SGSM1: variants seen among roughly 807,000 people sequenced by gnomAD.
SGSM1 encodes RUN and TBC1 domain containing 2.
A neutral mutation model predicts 133.8 loss-of-function variants in SGSM1; 73 were observed. The observed-to-expected ratio is 0.55, with a 90% confidence interval of 0.45 to 0.66. The LOEUF (loss-of-function observed/expected upper bound fraction) is 0.66. Among genes scored for constraint, SGSM1 ranks in the 30% least tolerant of loss-of-function variants. SGSM1 has a pLI of 0.00. For synonymous variants in SGSM1, 563 were observed against 573.0 expected, an observed-to-expected ratio of 0.98 and a Z score of 0.25; for missense variants, 1,213 against 1,448.1, an observed-to-expected ratio of 0.84 and a Z score of 2.64.
At chr22:24,890,565 G>A (rs1932797900) in intron 16 of SGSM1, among the ~76,000 whole-genome samples, 1 of 151,868 alleles carries the variant, frequency 6.6e-6, no homozygotes, top group Non-Finnish European at 1.5e-5. Flanking sequence ...TTTTGAGGTG[G>A]AGTCTCGCTC....
chr22:24,877,811 T>C (rs1225195698), intron 13 of SGSM1, among the ~76,000 whole-genome samples: 1 of 135,968 alleles, frequency 7.4e-6, no homozygotes, highest in East Asian at 2.1e-4. Context: ...TCTTTTTTTT[T>C]TTTTTTTTTT....
intron 9 of SGSM1, among the ~76,000 whole-genome samples, chr22:24,860,912 A>T (rs1474866254): frequency 4.8e-3 from 464 of 97,294 alleles, no homozygotes; most frequent in South Asian, 0.01. Context: ...AAAAAAAAAA[A>T]AAAAAAAAAA....
At chr22:24,918,521 A>G (rs1054075346) in intron 23 of SGSM1, among the ~76,000 whole-genome samples, 1 of 150,722 alleles carries the variant, frequency 6.6e-6, no homozygotes, top group Admixed American at 6.6e-5. Flanking sequence ...TCTGACATGT[A>G]TGGAGTGTTT....
At chr22:24,911,747 C>G (rs191562660) in intron 21 of SGSM1, among the ~76,000 whole-genome samples, 1 of 152,150 alleles carries the variant, frequency 6.6e-6, no homozygotes, top group Admixed American at 6.6e-5. Flanking sequence ...AAATACCTGA[C>G]CAGTACGCCT....
At position 24,902,068 on chromosome 22, in the gene SGSM1, C is replaced by G. The variant is rs1249891158; in HGVS notation, c.2735+111C>G. 2.6e-6 allele frequency: 3 copies of G among 1,151,418 alleles called. No individual in the cohort carries two copies. The Admixed American group carries it at 6.6e-5, about 25-fold the overall frequency. The allele number at this position is 1,151,418 out of a possible 1,614,324, so 71.3% of individuals were successfully genotyped here. A position where few individuals can be genotyped will look rare whatever the true frequency, so the allele number is the denominator to read the frequency against. ...TTCAGCTTCTGAAGCTGGCATCATACTCACCTGGAATCTTACTTAGCCCAC... is the reference window on the plus strand; with the variant it reads ...TTCAGCTTCTGAAGCTGGCATCATAGTCACCTGGAATCTTACTTAGCCCAC... On this transcript the variant is annotated intron_variant, in intron 20 of 24. Transcript: ENST00000400358.
At chr22:24,924,044 G>A (rs936301228) in intron 24 of SGSM1, 142 bp from the exon 25 acceptor site, 2 of 696,746 alleles carry the variant, frequency 2.9e-6, no homozygotes, top group African/African-American at 1.8e-5. Flanking sequence ...AAGGTCCAGA[G>A]GTAGAGGCCT....
At chr22:24,863,410 G>A (rs1319553893) in intron 9 of SGSM1, among the ~76,000 whole-genome samples, 1 of 152,144 alleles carries the variant, frequency 6.6e-6, no homozygotes, top group Non-Finnish European at 1.5e-5. Flanking sequence ...ACCCGCCTCC[G>A]CCTCCCAAAG....
At chr22:24,908,766 C>T (rs1933505494) in intron 21 of SGSM1, among the ~76,000 whole-genome samples, 2 of 150,416 alleles carry the variant, frequency 1.3e-5, no homozygotes, top group Non-Finnish European at 2.9e-5. Context: ...CGCGCCACTG[C>T]ACTCCAGCCT....
intron 23 of SGSM1, among the ~76,000 whole-genome samples, chr22:24,918,311 A>G (rs1263560567): frequency 2.0e-5 from 3 of 151,992 alleles, no homozygotes; most frequent in African/African-American, 7.2e-5. Flanking sequence ...GAGACCTAAC[A>G]TGGTGAAAAC....
rs970885798 is a variant in SGSM1 at position 24,913,598 on chromosome 22, C to A, written c.2928+846C>A. Among the ~76,000 whole-genome samples, 77 of 152,222 alleles carry A rather than the reference C, an allele frequency of 5.1e-4. 1 individual carries two copies. Among genetic ancestry groups the A allele is most frequent in the African/African-American group, 1.8e-3 (75 of 41,450 alleles). ...TATTATCTACACACTAGCAGTGGGG[C>A]TACAGTTAGCTCTGACTTCTTCTTT... On this transcript the variant is annotated intron_variant, in intron 22 of 24. Transcript: ENST00000400358.
intron 22 of SGSM1, among the ~76,000 whole-genome samples, chr22:24,913,926 G>A (rs989755363): frequency 6.6e-6 from 1 of 152,136 alleles, no homozygotes; most frequent in Non-Finnish European, 1.5e-5. Flanking sequence ...GGAGGCTGAG[G>A]TGGGTGGATC....
intron 2 of SGSM1, among the ~76,000 whole-genome samples, chr22:24,824,155 G>A (rs1381263572): frequency 6.6e-6 from 1 of 152,120 alleles, no homozygotes; most frequent in Non-Finnish European, 1.5e-5. Flanking sequence ...TGCGGAGAGG[G>A]GCACGTGACT....
At chr22:24,908,529 G>A (rs1315727485) in intron 21 of SGSM1, among the ~76,000 whole-genome samples, 3 of 152,110 alleles carry the variant, frequency 2.0e-5, no homozygotes, top group Admixed American at 6.5e-5. Flanking sequence ...CTGGCCAGGC[G>A]CGGTGGCTCA....
At chr22:24,864,088 G>A (rs961796460) in intron 9 of SGSM1, among the ~76,000 whole-genome samples, 1 of 152,052 alleles carries the variant, frequency 6.6e-6, no homozygotes, top group Non-Finnish European at 1.5e-5. Flanking sequence ...GCACAGCCAC[G>A]ATCCTCACTC....
intron 5 of SGSM1, among the ~76,000 whole-genome samples, chr22:24,851,384 A>T (rs1042862326): frequency 5.2e-5 from 7 of 133,386 alleles, no homozygotes; most frequent in Non-Finnish European, 1.1e-4. Flanking sequence ...ATCATCTGAC[A>T]CTCCTTGTGG....
intron 2 of SGSM1, among the ~76,000 whole-genome samples, chr22:24,808,470 G>T (rs191358110): frequency 1.4e-3 from 211 of 152,290 alleles, no homozygotes; most frequent in African/African-American, 4.9e-3. Flanking sequence ...ACTTTCAGTG[G>T]AGGGGCATGT....
chr22:24,817,173 G>A (rs1283422955), intron 2 of SGSM1, among the ~76,000 whole-genome samples: 1 of 152,174 alleles, frequency 6.6e-6, no homozygotes, highest in Non-Finnish European at 1.5e-5. Flanking sequence ...CTGTGATGCG[G>A]GAGGTATACA....
chr22:24,808,527 C>T (rs1927550981), intron 2 of SGSM1, among the ~76,000 whole-genome samples: 2 of 152,122 alleles, frequency 1.3e-5, no homozygotes, highest in South Asian at 4.1e-4. Flanking sequence ...TTAACCAGAC[C>T]TACGTGTAAT....
chr22:24,859,757 C>T lies in SGSM1; in HGVS notation c.843C>T (p.His281=). The T allele has an allele frequency of 6.2e-7, 1 of 1,613,978 alleles. No homozygotes were observed. Among genetic ancestry groups the T allele is most frequent in the Non-Finnish European group, 8.5e-7 (1 of 1,179,888 alleles). Residue 281 remains histidine (H), a synonymous_variant, in exon 9 of 25, where the codon CAC becomes CAT. Transcript: ENST00000400358. Reference sequence around the variant, plus strand: ...CTGTGCCAGGGTACCTGTCCCTGCACCAGACGGCTGACGTCATGACCTTGA... The same window carrying T: ...CTGTGCCAGGGTACCTGTCCCTGCATCAGACGGCTGACGTCATGACCTTGA... The part of the protein sequence containing the change: ...MEAVPGYLSL[H]QTADVMTLKW...
Sources: allele counts gnomAD v4.1 joint callset (sites outside exome capture counted in the v4.1 genomes callset), GRCh38; gene constraint gnomAD v4.1.1; transcripts MANE v1.5; gene names NCBI Gene and HGNC (gene_info 2026-07-23, HGNC 2026-07-21).